The following TMEM217B variants were observed in gnomAD, a reference collection of about 807,000 sequenced individuals.
The protein encoded by TMEM217B is putative transmembrane protein 217B.
chr6:37,224,613 A>ACAAC, the TMEM217B span, among the ~76,000 whole-genome samples: 2 of 51,884 alleles, frequency 3.9e-5, no homozygotes, highest in African/African-American at 1.0e-4. Flanking sequence ...AAACAAACAA[A>ACAAC]CGAAAAAAAA....
chr6:37,215,570 C>CAAAAAAAAAA, the TMEM217B span, among the ~76,000 whole-genome samples: 81 of 72,370 alleles, frequency 1.1e-3, 1 homozygote, highest in African/African-American at 2.8e-3. Flanking sequence ...GACTCTGTCT[C>CAAAAAAAAAA]AAAAAAAAAA....
chr6:37,247,604 T>G, the TMEM217B span, among the ~76,000 whole-genome samples: 4 of 152,126 alleles, frequency 2.6e-5, no homozygotes, highest in Admixed American at 1.3e-4. Flanking sequence ...GCCAGGATGG[T>G]CTCGATCTCC....
the TMEM217B span, among the ~76,000 whole-genome samples, chr6:37,213,548 A>G: frequency 1.3e-5 from 2 of 152,230 alleles, no homozygotes; most frequent in Non-Finnish European, 2.9e-5. Flanking sequence ...GGAATGGGTA[A>G]AGGTTTATGG....
chr6:37,244,500 T>C, the TMEM217B span, among the ~76,000 whole-genome samples: 1 of 152,262 alleles, frequency 6.6e-6, no homozygotes, highest in South Asian at 2.1e-4. Context: ...AAGTCTCGTC[T>C]ACCTCAACTT....
chr6:37,215,318 T>C, the TMEM217B span: 2 of 1,606,562 alleles, frequency 1.2e-6, no homozygotes, highest in Non-Finnish European at 1.7e-6. Flanking sequence ...TAAAAATTGT[T>C]TTTAATTAAG....
chr6:37,213,146 G>T, the TMEM217B span: 1 of 628,178 alleles, frequency 1.6e-6, no homozygotes. Flanking sequence ...CATGGGGTCT[G>T]GCCCGTGCTC....
At chr6:37,254,866 G>A in the TMEM217B span, among the ~76,000 whole-genome samples, 1 of 152,042 alleles carries the variant, frequency 6.6e-6, no homozygotes, top group Non-Finnish European at 1.5e-5. Flanking sequence ...GAAAATTTTG[G>A]GGGAGGGGGG....
At chr6:37,244,809 G>A in the TMEM217B span, among the ~76,000 whole-genome samples, 369 of 152,340 alleles carry the variant, frequency 2.4e-3, 3 homozygotes, top group African/African-American at 5.3e-3. Context: ...AGCTGGACTC[G>A]CTCAAGTGTC....
the TMEM217B span, among the ~76,000 whole-genome samples, chr6:37,229,335 GTT>G: frequency 5.4e-5 from 4 of 74,368 alleles, no homozygotes; most frequent in Non-Finnish European, 7.0e-5. Context: ...GCAACTTTCA[GTT>G]TTTTTTTTTT....
the TMEM217B span, among the ~76,000 whole-genome samples, chr6:37,219,300 A>G: frequency 2.9e-4 from 44 of 152,274 alleles, no homozygotes; most frequent in East Asian, 7.7e-3. Flanking sequence ...CCTTAGAATC[A>G]CCAAAAGTAC....
the TMEM217B span, chr6:37,257,932 C>T: frequency 6.2e-7 from 1 of 1,614,076 alleles, no homozygotes; most frequent in South Asian, 1.1e-5. Context: ...CCGCTGAGAA[C>T]AGCAAGCAGT....
the TMEM217B span, among the ~76,000 whole-genome samples, chr6:37,252,787 T>G: frequency 6.6e-6 from 1 of 151,554 alleles, no homozygotes; most frequent in East Asian, 1.9e-4. Flanking sequence ...CACAGGTGTG[T>G]GCCACCACAC....
At chr6:37,220,858 A>C in the TMEM217B span, among the ~76,000 whole-genome samples, 3 of 151,882 alleles carry the variant, frequency 2.0e-5, no homozygotes, top group African/African-American at 4.8e-5. Context: ...TCATCAAACA[A>C]CTATGATTAC....
chr6:37,254,015 C>T, the TMEM217B span, among the ~76,000 whole-genome samples: 999 of 152,242 alleles, frequency 6.6e-3, 30 homozygotes, highest in East Asian at 0.08. Flanking sequence ...AAAGTAAAAA[C>T]TTGCAGAAGC....
At chr6:37,213,022 C>A in the TMEM217B span, 1 of 1,475,348 alleles carries the variant, frequency 6.8e-7, no homozygotes, top group Non-Finnish European at 9.2e-7. Flanking sequence ...CATACAGACA[C>A]GTGACAAGAT....
chr6:37,250,691 G>T, the TMEM217B span, among the ~76,000 whole-genome samples: 3 of 152,228 alleles, frequency 2.0e-5, no homozygotes, highest in Non-Finnish European at 4.4e-5. Context: ...TCTCTCAGGC[G>T]TGCGTGTGCA....
At chr6:37,220,504 G>A in the TMEM217B span, among the ~76,000 whole-genome samples, 1 of 152,018 alleles carries the variant, frequency 6.6e-6, no homozygotes, top group Admixed American at 6.6e-5. Context: ...CTGAGCAGGT[G>A]GGGAGAAAAC....
At chr6:37,247,717 G>A in the TMEM217B span, among the ~76,000 whole-genome samples, 3 of 152,116 alleles carry the variant, frequency 2.0e-5, no homozygotes, top group Non-Finnish European at 4.4e-5. Flanking sequence ...TGGACAACAG[G>A]AGCTTAATCC....
chr6:37,244,497 G>A, the TMEM217B span, among the ~76,000 whole-genome samples: 5 of 152,096 alleles, frequency 3.3e-5, no homozygotes, highest in Non-Finnish European at 7.4e-5. Context: ...TTGAAGTCTC[G>A]TCTACCTCAA....
Sources: gnomAD v4.1 joint callset for allele counts (sites outside exome capture counted in the v4.1 genomes callset) on GRCh38, gnomAD v4.1.1 for gene constraint, MANE v1.5 for transcripts, NCBI Gene and HGNC (gene_info 2026-07-23, HGNC 2026-07-21) for gene names.